The following PTPRO variants were observed in gnomAD, a reference collection of about 807,000 sequenced individuals.
The protein encoded by PTPRO is receptor-type tyrosine-protein phosphatase O.
Under a neutral mutation model 145.2 loss-of-function variants are expected in PTPRO, and 62 were observed. That is an observed-to-expected ratio of 0.43 (90% CI 0.35 to 0.53). The LOEUF (loss-of-function observed/expected upper bound fraction) is 0.53. Ranked by LOEUF, PTPRO falls within the 20% of genes least tolerant of loss-of-function variation. The pLI is 0.01. For synonymous variants in PTPRO, 565 were observed against 514.7 expected, an observed-to-expected ratio of 1.10 and a Z score of -1.32; for missense variants, 1,345 against 1,482.7, an observed-to-expected ratio of 0.91 and a Z score of 1.53.
chr12:15,373,844 T>C (rs1338045014), intron 1 of PTPRO, among the ~76,000 whole-genome samples: 1 of 152,216 alleles, frequency 6.6e-6, no homozygotes, highest in Non-Finnish European at 1.5e-5. Flanking sequence ...CAGGAATTCA[T>C]AACCTGTGTT....
intron 6 of PTPRO, among the ~76,000 whole-genome samples, chr12:15,506,778 T>C (rs1942329584): frequency 1.3e-5 from 2 of 152,118 alleles, no homozygotes. Context: ...CCAAACCATA[T>C]CAGCAAAATA....
At chr12:15,483,141 T>A (rs139870682) in intron 1 of PTPRO, among the ~76,000 whole-genome samples, 1 of 152,072 alleles carries the variant, frequency 6.6e-6, no homozygotes, top group African/African-American at 2.4e-5. Flanking sequence ...GGACACTACA[T>A]ACCTAGAAGA....
At chr12:15,489,489 G>GC (rs1240997158) in intron 2 of PTPRO, among the ~76,000 whole-genome samples, 1 of 152,198 alleles carries the variant, frequency 6.6e-6, no homozygotes, top group African/African-American at 2.4e-5. Context: ...GAGGGTTTAT[G>GC]CCCCTTTTAG....
intron 1 of PTPRO, among the ~76,000 whole-genome samples, chr12:15,464,471 C>T (rs911933846): frequency 7.9e-5 from 12 of 151,878 alleles, no homozygotes; most frequent in African/African-American, 2.2e-4. Flanking sequence ...TCTCCTGCCT[C>T]AGCCTCCTAA....
At chr12:15,467,400 G>A (rs1268014979) in intron 1 of PTPRO, among the ~76,000 whole-genome samples, 2 of 135,304 alleles carry the variant, frequency 1.5e-5, no homozygotes, top group African/African-American at 5.5e-5. Flanking sequence ...TGGTAGTGAG[G>A]TAGGGGTGAG....
intron 22 of PTPRO, 52 bp downstream of exon 22, chr12:15,580,883 A>G (rs372155392): frequency 5.2e-5 from 84 of 1,605,492 alleles, no homozygotes; most frequent in Non-Finnish European, 6.9e-5. Context: ...TGCCCTAGCC[A>G]CTGCCGTTGA....
intron 1 of PTPRO, among the ~76,000 whole-genome samples, chr12:15,450,119 T>C (rs1440345447): frequency 6.6e-6 from 1 of 152,124 alleles, no homozygotes; most frequent in Non-Finnish European, 1.5e-5. Flanking sequence ...TTATATTTGC[T>C]AGTTCTCTAA....
intron 18 of PTPRO, among the ~76,000 whole-genome samples, chr12:15,566,386 T>G (rs1943899230): frequency 6.6e-6 from 1 of 152,208 alleles, no homozygotes; most frequent in African/African-American, 2.4e-5. Context: ...GAGTAATCCA[T>G]GACATAATCC....
chr12:15,409,701 A>T (rs1487381496), intron 1 of PTPRO, among the ~76,000 whole-genome samples: 1 of 151,874 alleles, frequency 6.6e-6, no homozygotes, highest in African/African-American at 2.4e-5. Flanking sequence ...GCAGAAGCTT[A>T]CATGTCACTT....
chr12:15,549,245 G>A lies in PTPRO; in HGVS notation c.2437+19G>A, dbSNP rs896539110. ...ACAATGGGTAATTATACACATTAGT[G>A]TATAATTTTCTCACTTTTTTTGAAT... On this transcript the variant is annotated intron_variant, in intron 14 of 26. Coordinates refer to ENST00000281171, the MANE Select transcript of PTPRO (RefSeq NM_030667.3). The A allele has an allele frequency of 2.8e-5, 44 of 1,558,238 alleles. No individual in the cohort carries two copies. The highest frequency in any genetic ancestry group is 3.6e-5 in the Non-Finnish European group (42 of 1,154,442).
At chr12:15,554,134 C>T (rs1027542404) in intron 15 of PTPRO, among the ~76,000 whole-genome samples, 1 of 152,142 alleles carries the variant, frequency 6.6e-6, no homozygotes, top group Non-Finnish European at 1.5e-5. Flanking sequence ...GAGATTGCGC[C>T]ATTGCACTCC....
At chr12:15,564,133 T>C (rs1273748256) in intron 17 of PTPRO, among the ~76,000 whole-genome samples, 1 of 152,144 alleles carries the variant, frequency 6.6e-6, no homozygotes, top group African/African-American at 2.4e-5. Flanking sequence ...ATCTCAAGTG[T>C]GGAAGACAAA....
chr12:15,487,860 T>C (rs1048953273), intron 2 of PTPRO, among the ~76,000 whole-genome samples: 3 of 152,230 alleles, frequency 2.0e-5, no homozygotes, highest in Non-Finnish European at 2.9e-5. Context: ...ATGTAGCTAA[T>C]AGCTACCATA....
chr12:15,444,294 G>A (rs529986288), intron 1 of PTPRO, among the ~76,000 whole-genome samples: 4 of 152,112 alleles, frequency 2.6e-5, no homozygotes, highest in South Asian at 2.1e-4. Flanking sequence ...CAGTACTCAC[G>A]GACATAAAGA....
At chr12:15,497,183 T>C (rs1942124240) in intron 2 of PTPRO, 62 bp from the exon 3 acceptor site, 2 of 1,430,706 alleles carry the variant, frequency 1.4e-6, no homozygotes, top group Non-Finnish European at 2.0e-6. Context: ...AATTCAAGTA[T>C]TGATATCGGC....
chr12:15,390,474 G>A (rs1231392704), intron 1 of PTPRO, among the ~76,000 whole-genome samples: 2 of 152,036 alleles, frequency 1.3e-5, no homozygotes, highest in African/African-American at 4.8e-5. Flanking sequence ...GATCTCATGA[G>A]GCTTATTCAC....
chr12:15,560,153 C>T, intron 16 of PTPRO, 40 bp from the exon 17 acceptor site: 1 of 1,463,466 alleles, frequency 6.8e-7, no homozygotes, highest in South Asian at 1.1e-5. Context: ...ACTCTTGCAA[C>T]TTTTTCATCT....
intron 1 of PTPRO, among the ~76,000 whole-genome samples, chr12:15,386,909 T>C (rs1021845003): frequency 1.3e-5 from 2 of 152,236 alleles, no homozygotes; most frequent in African/African-American, 4.8e-5. Context: ...CCAAAACTGC[T>C]TGCAGAAATA....
At chr12:15,584,674 C>T (rs1008110107) in intron 23 of PTPRO, among the ~76,000 whole-genome samples, 1 of 152,136 alleles carries the variant, frequency 6.6e-6, no homozygotes, top group Non-Finnish European at 1.5e-5. Context: ...AAATGTTAAG[C>T]TACAATGAAG....
Sources: gnomAD v4.1 joint callset for allele counts (sites outside exome capture counted in the v4.1 genomes callset) on GRCh38, gnomAD v4.1.1 for gene constraint, MANE v1.5 for transcripts, NCBI Gene and HGNC (gene_info 2026-07-23, HGNC 2026-07-21) for gene names.